Variants in FHIT observed in about 807,000 individuals in gnomAD.
The protein encoded by FHIT is fragile histidine triad diadenosine triphosphatase.
In FHIT, 19 loss-of-function variants were observed where a neutral mutation model predicts 17.9. The ratio of observed to expected loss-of-function variants is 1.06; its 90% CI spans 0.74 to 1.56. The LOEUF is 1.56. Among genes scored for constraint, FHIT ranks in the 40% most tolerant of loss-of-function variants. The pLI is 0.00. For synonymous variants in FHIT, 81 were observed against 69.7 expected, an observed-to-expected ratio of 1.16 and a Z score of -0.81; for missense variants, 248 against 189.2, an observed-to-expected ratio of 1.31 and a Z score of -1.82.
At chr3:59,906,221 C>T (rs1055954512) in intron 8 of FHIT, among the ~76,000 whole-genome samples, 1 of 152,178 alleles carries the variant, frequency 6.6e-6, no homozygotes, top group African/African-American at 2.4e-5. Flanking sequence ...GCCCCAAGGA[C>T]ATGAAAACTA....
intron 5 of FHIT, among the ~76,000 whole-genome samples, chr3:60,345,483 A>T (rs1361245357): frequency 6.6e-6 from 1 of 152,192 alleles, no homozygotes; most frequent in Non-Finnish European, 1.5e-5. Context: ...ACCTATGTGG[A>T]TACTCTCCTT....
At chr3:59,971,199 C>A (rs954150846) in intron 7 of FHIT, among the ~76,000 whole-genome samples, 1 of 152,120 alleles carries the variant, frequency 6.6e-6, no homozygotes. Flanking sequence ...CTTTGACACT[C>A]TGAGTCCTAT....
chr3:60,389,164 G>A (rs1701127466), intron 5 of FHIT, among the ~76,000 whole-genome samples: 1 of 152,118 alleles, frequency 6.6e-6, no homozygotes, highest in African/African-American at 2.4e-5. Context: ...TGCACCACTT[G>A]GGAGTGTCTT....
At chr3:59,770,456 G>A (rs1702023926) in intron 8 of FHIT, among the ~76,000 whole-genome samples, 1 of 152,144 alleles carries the variant, frequency 6.6e-6, no homozygotes, top group African/African-American at 2.4e-5. Flanking sequence ...CACGCAAAGA[G>A]ATTAAGTGAA....
chr3:60,566,566 T>C (rs1403341623), intron 4 of FHIT, among the ~76,000 whole-genome samples: 2 of 152,082 alleles, frequency 1.3e-5, no homozygotes, highest in Non-Finnish European at 2.9e-5. Context: ...GGATGCCCTC[T>C]CTCACCACTC....
intron 5 of FHIT, among the ~76,000 whole-genome samples, chr3:60,378,251 C>T (rs1344381675): frequency 6.6e-6 from 1 of 151,934 alleles, no homozygotes; most frequent in East Asian, 1.9e-4. Flanking sequence ...TCTCGATCTC[C>T]TGACCTCGTG....
At chr3:59,937,843 T>C (rs1395304069) in intron 7 of FHIT, among the ~76,000 whole-genome samples, 1 of 152,192 alleles carries the variant, frequency 6.6e-6, no homozygotes, top group East Asian at 1.9e-4. Flanking sequence ...ATATGCTTTG[T>C]TGCTTCTTGA....
At chr3:59,790,550 C>A (rs1699510572) in intron 8 of FHIT, among the ~76,000 whole-genome samples, 1 of 151,428 alleles carries the variant, frequency 6.6e-6, no homozygotes, top group African/African-American at 2.4e-5. Flanking sequence ...GTGTATAAAT[C>A]ATCTGTCTTC....
intron 5 of FHIT, among the ~76,000 whole-genome samples, chr3:60,353,115 T>A (rs1312163456): frequency 6.6e-6 from 1 of 152,152 alleles, no homozygotes; most frequent in Non-Finnish European, 1.5e-5. Context: ...TTCAAGGTGA[T>A]CTTAATATTA....
intron 5 of FHIT, among the ~76,000 whole-genome samples, chr3:60,530,591 TCA>T (rs1233755261): frequency 2.0e-5 from 3 of 152,154 alleles, no homozygotes; most frequent in Non-Finnish European, 4.4e-5. Flanking sequence ...CTAGTGCCCA[TCA>T]CAGTTACTGC....
chr3:61,148,505 G>A (rs1371439492), intron 2 of FHIT, among the ~76,000 whole-genome samples: 1 of 152,062 alleles, frequency 6.6e-6, no homozygotes, highest in African/African-American at 2.4e-5. Flanking sequence ...ATGCTTTCAA[G>A]ATGCATCCAT....
At chr3:60,103,202 A>T (rs1704266512) in intron 5 of FHIT, among the ~76,000 whole-genome samples, 1 of 152,136 alleles carries the variant, frequency 6.6e-6, no homozygotes, top group Non-Finnish European at 1.5e-5. Context: ...GACTTGACAG[A>T]CTTGTTTTTA....
intron 8 of FHIT, among the ~76,000 whole-genome samples, chr3:59,897,529 A>G (rs1343090602): frequency 1.3e-5 from 2 of 152,188 alleles, no homozygotes; most frequent in African/African-American, 2.4e-5. Context: ...ACTCATCTCT[A>G]AATACTCAGT....
intron 8 of FHIT, among the ~76,000 whole-genome samples, chr3:59,786,080 A>G (rs1699276476): frequency 6.6e-6 from 1 of 152,186 alleles, no homozygotes; most frequent in South Asian, 2.1e-4. Flanking sequence ...TCTTGGCTTG[A>G]TGGGTGAAAT....
chr3:60,125,785 T>C (rs931791414), intron 5 of FHIT, among the ~76,000 whole-genome samples: 3 of 152,068 alleles, frequency 2.0e-5, no homozygotes, highest in South Asian at 4.2e-4. Flanking sequence ...GCTTTATTCA[T>C]TGTTCCTTCT....
chr3:61,081,490 A>G (rs1032611797), intron 2 of FHIT, among the ~76,000 whole-genome samples: 29 of 152,202 alleles, frequency 1.9e-4, no homozygotes, highest in African/African-American at 7.0e-4. Context: ...TGCTAAAACC[A>G]TCATCGTAGC....
chr3:60,790,936 T>G (rs893824675), intron 4 of FHIT, among the ~76,000 whole-genome samples: 12 of 152,344 alleles, frequency 7.9e-5, no homozygotes, highest in Non-Finnish European at 1.6e-4. Context: ...TACTGTACTT[T>G]CTGCTCAGTT....
At chr3:60,117,971 T>C (rs970998457) in intron 5 of FHIT, among the ~76,000 whole-genome samples, 8 of 152,166 alleles carry the variant, frequency 5.3e-5, no homozygotes, top group African/African-American at 1.9e-4. Context: ...TGGAGTTTGT[T>C]AAAAGATGGG....
At chr3:60,906,293 C>A (rs1706412228) in intron 3 of FHIT, among the ~76,000 whole-genome samples, 1 of 152,134 alleles carries the variant, frequency 6.6e-6, no homozygotes, top group African/African-American at 2.4e-5. Context: ...TAGGATCTCA[C>A]TGTGGAATAA....
Sources: gnomAD v4.1 joint callset for allele counts (sites outside exome capture counted in the v4.1 genomes callset) on GRCh38, gnomAD v4.1.1 for gene constraint, MANE v1.5 for transcripts, NCBI Gene and HGNC (gene_info 2026-07-23, HGNC 2026-07-21) for gene names.